Variants in PPFIA2 observed in about 807,000 individuals in gnomAD.
PPFIA2 encodes PPFI scaffold protein A2.
A neutral mutation model predicts 175.5 loss-of-function variants in PPFIA2; 46 were observed. The ratio of observed to expected loss-of-function variants is 0.26; its 90% CI spans 0.21 to 0.34. The LOEUF is 0.34. Among genes scored for constraint, PPFIA2 ranks in the 10% least tolerant of loss-of-function variants. The probability of loss-of-function intolerance (pLI) is 1.00; values close to 1 mark genes in which losing one functional copy is unlikely to be tolerated. For synonymous variants in PPFIA2, 568 were observed against 511.4 expected (o/e 1.11, Z -1.49); for missense variants, 1,179 against 1,506.1 (o/e 0.78, Z 3.60).
intron 4 of PPFIA2, among the ~76,000 whole-genome samples, chr12:81,467,486 C>T (rs1210637167): frequency 3.9e-5 from 6 of 152,048 alleles, no homozygotes; most frequent in African/African-American, 1.5e-4. Flanking sequence ...CTCAGGAGTT[C>T]GAGAACAGCC....
chr12:81,485,976 T>C (rs1276594919), intron 4 of PPFIA2, among the ~76,000 whole-genome samples: 1 of 151,954 alleles, frequency 6.6e-6, no homozygotes. Context: ...GAGGTCATTC[T>C]GAAAGAACAT....
intron 4 of PPFIA2, among the ~76,000 whole-genome samples, chr12:81,661,000 G>C (rs4511359): frequency 0.31 from 47,435 of 151,934 alleles, 10,016 homozygotes; most frequent in African/African-American, 0.6. Flanking sequence ...CAAATGCTGA[G>C]AGATTTTGTC....
At chr12:81,726,187 C>T (rs562437217) in intron 3 of PPFIA2, among the ~76,000 whole-genome samples, 1 of 151,284 alleles carries the variant, frequency 6.6e-6, no homozygotes, top group South Asian at 2.1e-4. Context: ...CTACTAAAGC[C>T]ATTCCATACT....
rs1294674117 is a variant in PPFIA2, at chr12:81,295,016, G to T, written c.2744C>A (p.Ala915Glu). 6.2e-7 allele frequency: 1 copy of T among 1,613,406 alleles called. No homozygotes were observed. Among genetic ancestry groups the T allele is most frequent in the East Asian group, 2.2e-5 (1 of 44,860 alleles). Reference sequence around the variant, plus strand: ...GGCTCGGCAGGCTGCCACGTACCACGCAGGCATTCCCAACCAAAGCTGTTA... The same window carrying T: ...GGCTCGGCAGGCTGCCACGTACCACTCAGGCATTCCCAACCAAAGCTGTTA... The part of the protein sequence containing the change: ...AWLELWLGMP[A>E]WYVAACRANV... Residue 915 changes from alanine (A) to glutamate (E), a missense_variant, in exon 24 of 33, where the codon GCG (alanine) becomes GAG (glutamate). Ala to Glu is a moderately radical substitution (Grantham distance 107). This residue lies in a region of PPFIA2 where 44 missense variants were observed against 81.3 expected (regional missense o/e 0.54). Transcript: ENST00000549396.
chr12:81,460,065 ACC>A (rs1368910602), intron 4 of PPFIA2, among the ~76,000 whole-genome samples: 1 of 152,024 alleles, frequency 6.6e-6, no homozygotes, highest in Non-Finnish European at 1.5e-5. Context: ...ATTTAGAGGT[ACC>A]CTTTTTCCTT....
At position 81,374,738 on chromosome 12, in the gene PPFIA2, G is replaced by A. The variant is rs2035959869; in HGVS notation, c.1162C>T (p.Arg388Cys). 8 of 1,612,716 alleles carry A rather than the reference G, an allele frequency of 5.0e-6. No individual in the cohort carries two copies. Among genetic ancestry groups the A allele is most frequent in the African/African-American group, 1.3e-5 (1 of 74,816 alleles). ...MEEKNRQLQERLELAEQKLQQ... is the reference protein window; with the variant it reads ...MEEKNRQLQECLELAEQKLQQ... ...AACTTTTGTTCAGCTAGCTCAAGAC[G>A]TTCTTGTAACTGTCTGTTTTTCTCT... Residue 388 changes from arginine (R) to cysteine (C), a missense_variant, in exon 11 of 33, where the codon CGT becomes TGT. By Grantham distance (180) the Arg-to-Cys change is radical. Coordinates refer to ENST00000549396, the MANE Select transcript of PPFIA2 (RefSeq NM_003625.5).
chr12:81,598,501 C>T (rs1294566085), intron 4 of PPFIA2: 5 of 351,006 alleles, frequency 1.4e-5, no homozygotes, highest in Non-Finnish European at 2.0e-5. Context: ...TCTGACTAAC[C>T]TGAAGCATGT....
chr12:81,405,041 T>C (rs2042693367), intron 8 of PPFIA2, among the ~76,000 whole-genome samples: 2 of 152,182 alleles, frequency 1.3e-5, no homozygotes, highest in South Asian at 4.1e-4. Context: ...CATGTAATTT[T>C]CATCTGATTC....
At chr12:81,514,317 G>C (rs994320993) in intron 4 of PPFIA2, among the ~76,000 whole-genome samples, 1 of 151,818 alleles carries the variant, frequency 6.6e-6, no homozygotes, top group African/African-American at 2.4e-5. Context: ...TATTCTAAAA[G>C]AAAATTAATT....
At chr12:81,673,418 T>A (rs1457012608) in intron 4 of PPFIA2, among the ~76,000 whole-genome samples, 1 of 152,084 alleles carries the variant, frequency 6.6e-6, no homozygotes, top group Non-Finnish European at 1.5e-5. Flanking sequence ...GTTCCCAAGT[T>A]TTTTACATTT....
chr12:81,504,226 A>G (rs760836746), intron 4 of PPFIA2, among the ~76,000 whole-genome samples: 5 of 152,186 alleles, frequency 3.3e-5, no homozygotes, highest in Non-Finnish European at 7.3e-5. Context: ...AGAATGGGAT[A>G]AAATTTTTGC....
chr12:81,368,757 A>G lies in PPFIA2; in HGVS notation c.1450T>C (p.Leu484=), dbSNP rs1443467120. 3.1e-6 allele frequency: 5 copies of G among 1,609,802 alleles called. No individual in the cohort carries two copies. In the African/African-American group the frequency reaches 6.7e-5, roughly 22 times the overall value. The change falls in exon 13 of 33, where the codon TTA becomes CTA. Residue 484 remains leucine (L), a synonymous_variant. Transcript: ENST00000549396. ...TESNERLQLH[L]KERMAALEEK... is the part of the protein sequence containing the mutation. Reference sequence around the variant, plus strand: ...TCTAGAGCAGCCATTCTTTCCTTTAAGTGTAGTTGTAGGCGTTCATTGGAT... The same window carrying G: ...TCTAGAGCAGCCATTCTTTCCTTTAGGTGTAGTTGTAGGCGTTCATTGGAT...
chr12:81,472,110 T>C (rs149040022), intron 4 of PPFIA2, among the ~76,000 whole-genome samples: 90 of 152,240 alleles, frequency 5.9e-4, no homozygotes, highest in African/African-American at 2.0e-3. Flanking sequence ...AAGGACCATA[T>C]TGTTGTATGA....
At chr12:81,367,025 A>G in intron 14 of PPFIA2, 83 bp downstream of exon 14, 1 of 1,335,208 alleles carries the variant, frequency 7.5e-7, no homozygotes. Context: ...TATTTTTTCA[A>G]ATTTATTTTA....
intron 4 of PPFIA2, among the ~76,000 whole-genome samples, chr12:81,502,963 G>A (rs533776265): frequency 9.2e-5 from 14 of 152,132 alleles, no homozygotes; most frequent in East Asian, 1.9e-4. Flanking sequence ...ATCAAAAGCC[G>A]TATGTCTATG....
intron 4 of PPFIA2, among the ~76,000 whole-genome samples, chr12:81,615,652 T>C (rs1032789586): frequency 4.6e-5 from 7 of 152,132 alleles, no homozygotes; most frequent in Non-Finnish European, 1.0e-4. Flanking sequence ...GACCATCAGA[T>C]TCAACAATGT....
At chr12:81,592,767 G>A (rs115553299) in intron 4 of PPFIA2, among the ~76,000 whole-genome samples, 209 of 151,982 alleles carry the variant, frequency 1.4e-3, no homozygotes, top group African/African-American at 4.8e-3. Context: ...GCATGAAAAC[G>A]AACTAATACA....
At position 81,449,758 on chromosome 12, in the gene PPFIA2, A is replaced by G. The variant is rs778624515; in HGVS notation, c.406-4038T>C. 4.9e-4 allele frequency among the ~76,000 whole-genome samples: 74 copies of G among 151,578 alleles called. 1 individual carries two copies. The highest frequency in any genetic ancestry group is 8.1e-4 in the Non-Finnish European group (55 of 67,884). ...CACCCATTAACTCGTCATTTACATT[A>G]GGTATATCTCCTAATGCTATCCCTC... On this transcript the variant is annotated intron_variant, in intron 5 of 32. Coordinates refer to ENST00000549396, the MANE Select transcript of PPFIA2 (RefSeq NM_003625.5).
chr12:81,320,319 A>T (rs1032166305), intron 22 of PPFIA2, among the ~76,000 whole-genome samples: 2 of 152,036 alleles, frequency 1.3e-5, no homozygotes, highest in African/African-American at 4.8e-5. Context: ...GTGATATTCT[A>T]ACATAAAGAT....
Sources: gnomAD v4.1 joint callset for allele counts (sites outside exome capture counted in the v4.1 genomes callset) on GRCh38, gnomAD v4.1.1 for gene constraint, gnomAD v4.1.1 regional missense constraint, MANE v1.5 for transcripts, NCBI Gene and HGNC (gene_info 2026-07-23, HGNC 2026-07-21) for gene names.